KLHDC8A: variants seen among roughly 807,000 people sequenced by gnomAD.
KLHDC8A encodes the protein kelch domain-containing protein 8A.
KLHDC8A carries 21 observed loss-of-function variants against 33.1 expected under a neutral mutation model. The observed-to-expected ratio is 0.64, with a 90% confidence interval of 0.45 to 0.91. KLHDC8A has a LOEUF of 0.91. Among genes scored for constraint, KLHDC8A ranks in the 40% least tolerant of loss-of-function variants. The probability of loss-of-function intolerance (pLI) is 0.00; values close to 1 mark genes in which losing one functional copy is unlikely to be tolerated. For synonymous variants in KLHDC8A, 173 were observed against 193.5 expected (o/e 0.89, Z 0.88); for missense variants, 435 against 483.3 (o/e 0.90, Z 0.94).
intron 2 of KLHDC8A, among the ~76,000 whole-genome samples, chr1:205,342,960 T>A (rs1473299564): frequency 1.1e-4 from 16 of 152,012 alleles, no homozygotes; most frequent in Non-Finnish European, 1.8e-4. Flanking sequence ...GCCCTCTCAG[T>A]GGGGCCTGGT....
At chr1:205,350,811 A>ATGTGTGTGTATGCATGCG in intron 1 of KLHDC8A, among the ~76,000 whole-genome samples, 1 of 150,858 alleles carries the variant, frequency 6.6e-6, no homozygotes, top group East Asian at 2.0e-4. Context: ...CTGTGTGTGC[A>ATGTGTGTGTATGCATGCG]TGTGTGTGTG....
chr1:205,337,528 G>A lies in KLHDC8A; in HGVS notation c.924C>T (p.Ile308=), dbSNP rs141799541. Residue 308 remains isoleucine, a synonymous_variant, in exon 6 of 6, where the codon ATC becomes ATT. Transcript: ENST00000367155. The part of the protein sequence containing the change: ...AFHPGKNKWE[I]LPAMPTPRCA... ...AGCGGGGTGTGGGCATGGCAGGGAG[G>A]ATCTCCCATTTGTTCTTCCCTGGGT... is the stretch of plus-strand genomic sequence containing the variant. 9.2e-5 allele frequency: 148 copies of A among 1,613,922 alleles called. 1 individual carries two copies. In the African/African-American group the frequency reaches 1.8e-3, roughly 20 times the overall value.
At position 205,339,598 on chromosome 1, in the gene KLHDC8A, C is replaced by T. The variant is rs1246654385; in HGVS notation, c.541+46G>A. The T allele has an allele frequency of 6.3e-7, 1 of 1,598,580 alleles. No individual in the cohort carries two copies. Among genetic ancestry groups the T allele is most frequent in the East Asian group, 2.2e-5 (1 of 44,706 alleles). The stretch of plus-strand genomic sequence containing the variant: ...GCACTGCTTCCTATGGGAACTGAGC[C>T]AAGGGAAGGAAGGAGGGTAGGTATA... On this transcript the variant is annotated intron_variant, in intron 3 of 5. Transcript: ENST00000367155. This position sits in a 1 kb window ranked among gnomAD's most constrained non-coding sequence, Gnocchi z 5.1.
At chr1:205,355,028 C>T (rs1044078006) in intron 1 of KLHDC8A, among the ~76,000 whole-genome samples, 1 of 152,212 alleles carries the variant, frequency 6.6e-6, no homozygotes, top group Non-Finnish European at 1.5e-5. Context: ...AGCCTCAGAG[C>T]ACCCAGTTCA....
At chr1:205,353,959 T>C (rs1663193531) in intron 1 of KLHDC8A, among the ~76,000 whole-genome samples, 1 of 152,130 alleles carries the variant, frequency 6.6e-6, no homozygotes, top group Non-Finnish European at 1.5e-5. Context: ...GGATTCAAAC[T>C]CAGATCTGCC....
intron 1 of KLHDC8A, chr1:205,351,388 A>G (rs1663100835): frequency 4.6e-6 from 4 of 863,664 alleles, no homozygotes; most frequent in Non-Finnish European, 4.0e-6. Context: ...ATGTGTGGAA[A>G]TGGCGACTAG....
chr1:205,343,670 C>T lies in KLHDC8A; in HGVS notation c.-66G>A, dbSNP rs1057087327. 38 of 1,478,668 alleles carry T rather than the reference C, an allele frequency of 2.6e-5. No individual in the cohort carries two copies. The African/African-American group carries it at 4.5e-4, about 17-fold the overall frequency. The allele number at this position is 1,478,668 out of a possible 1,614,324, so 91.6% of individuals were successfully genotyped here. A position where few individuals can be genotyped will look rare whatever the true frequency, so the allele number is the denominator to read the frequency against. On this transcript the variant is annotated 5_prime_UTR_variant, in exon 2 of 6. Coordinates refer to ENST00000367155, the MANE Select transcript of KLHDC8A (RefSeq NM_018203.3). ...GCGCGGGGGTCCACCGGCTACTTGGCGCCGGCTCCCACGGCCCCTATCGCC... is the reference window on the plus strand; with the variant it reads ...GCGCGGGGGTCCACCGGCTACTTGGTGCCGGCTCCCACGGCCCCTATCGCC...
In KLHDC8A at chr1:205,343,233, G is replaced by T. The variant is rs376382392; in HGVS notation, c.372C>A (p.Ala124=). 3.4e-5 allele frequency: 54 copies of T among 1,585,052 alleles called. No homozygotes were observed. The highest frequency in any genetic ancestry group is 4.6e-5 in the Non-Finnish European group (53 of 1,160,632). Residue 124 remains alanine (A), a synonymous_variant, in exon 2 of 6, where the codon GCC becomes GCA. Coordinates refer to ENST00000367155, the MANE Select transcript of KLHDC8A (RefSeq NM_018203.3). The stretch of plus-strand genomic sequence containing the variant: ...CTCAGCCCTGGCCCCACTTGCCTTT[G>T]GCCGTGACAGAAATGCCCATGGCGG... ...REAAMGISVT[A]KDYRVYAAGG... is the part of the protein sequence containing the mutation.
At chr1:205,345,176 C>T (rs1485256746) in intron 1 of KLHDC8A, among the ~76,000 whole-genome samples, 1 of 152,194 alleles carries the variant, frequency 6.6e-6, no homozygotes, top group Admixed American at 6.5e-5. Flanking sequence ...AGTCTTGAAA[C>T]ACGCAGGCTT....
At chr1:205,354,911 G>T (rs1663222607) in intron 1 of KLHDC8A, among the ~76,000 whole-genome samples, 1 of 152,176 alleles carries the variant, frequency 6.6e-6, no homozygotes, top group African/African-American at 2.4e-5. Flanking sequence ...ATTTCCCAGG[G>T]TCATGAAGAT....
At chr1:205,346,537 T>C (rs901634196) in intron 1 of KLHDC8A, among the ~76,000 whole-genome samples, 3 of 152,202 alleles carry the variant, frequency 2.0e-5, no homozygotes, top group African/African-American at 7.2e-5. Context: ...GTGTCACTTG[T>C]TGAGATCATC....
chr1:205,343,843 C>T (rs1662868023), intron 1 of KLHDC8A, 50 bp from the exon 2 acceptor site: 1 of 499,172 alleles, frequency 2.0e-6, no homozygotes. Flanking sequence ...ACGCGCCCTC[C>T]GGCGGGCAGC....
intron 1 of KLHDC8A, chr1:205,351,106 A>AG: frequency 3.2e-6 from 2 of 619,236 alleles, no homozygotes; most frequent in East Asian, 5.9e-5. Flanking sequence ...CCAGGAGAGA[A>AG]GGGTCCACTC....
intron 1 of KLHDC8A, among the ~76,000 whole-genome samples, chr1:205,344,960 G>A (rs1662906686): frequency 6.6e-6 from 1 of 152,082 alleles, no homozygotes; most frequent in Admixed American, 6.5e-5. Context: ...TTCAGGAAGG[G>A]GAAACCTGAT....
intron 2 of KLHDC8A, among the ~76,000 whole-genome samples, chr1:205,340,182 T>C (rs899483190): frequency 6.6e-6 from 1 of 151,940 alleles, no homozygotes; most frequent in East Asian, 1.9e-4. Context: ...ACCTGACTAA[T>C]TTTTGTATTT....
chr1:205,343,497 G>A lies in KLHDC8A; in HGVS notation c.108C>T (p.Ile36=), dbSNP rs996937288. The stretch of plus-strand genomic sequence containing the variant: ...GGACGCCGTTGTCGTCACATCCCCC[G>A]ATGGCATAGACCTGGCCCCCGGTCT... ...LLETGGQVYA[I]GGCDDNGVPM... Residue 36 remains isoleucine, a synonymous_variant, in exon 2 of 6, where the codon ATC becomes ATT. Transcript: ENST00000367155. The A allele has an allele frequency of 1.2e-6, 2 of 1,613,364 alleles. No homozygotes were observed. The highest frequency in any genetic ancestry group is 1.3e-5 in the African/African-American group (1 of 74,928).
chr1:205,337,481 A>G lies in KLHDC8A; in HGVS notation c.971T>C (p.Val324Ala). ...TCCCACGGCGAGGAGGCAGTTCTTG[A>G]CGACTATGCTGGAGCAGGCACAGCG... is the stretch of plus-strand genomic sequence containing the variant. ...TPRCACSSIV[V>A]KNCLLAVGGV... Residue 324 changes from valine to alanine, a missense_variant, in exon 6 of 6, where the codon GTC (valine) becomes GCC (alanine). By Grantham distance (64) the Val-to-Ala change is moderately conservative. Coordinates refer to ENST00000367155, the MANE Select transcript of KLHDC8A (RefSeq NM_018203.3). The G allele has an allele frequency of 6.2e-7, 1 of 1,614,000 alleles. No individual in the cohort carries two copies.
At chr1:205,352,183 C>T (rs999422163) in intron 1 of KLHDC8A, among the ~76,000 whole-genome samples, 1 of 152,202 alleles carries the variant, frequency 6.6e-6, no homozygotes, top group African/African-American at 2.4e-5. Context: ...GGCCTTGAGG[C>T]AGCCTTGTTG....
Position 205,339,422 on chromosome 1 carries a change from G to A in KLHDC8A, c.542-13C>T. ...GACTGTCGTCCCCCTGGGGGCCAGA[G>A]CAGGATAGAGGTTGGGCAGAAGGGT... On this transcript the variant is annotated splice_polypyrimidine_tract_variant and intron_variant, in intron 3 of 5. Coordinates refer to ENST00000367155, the MANE Select transcript of KLHDC8A (RefSeq NM_018203.3). The surrounding 1 kb of genome is among the most constrained non-coding windows in gnomAD (Gnocchi z 5.1). The A allele has an allele frequency of 6.2e-7, 1 of 1,610,402 alleles. No individual in the cohort carries two copies. The highest frequency in any genetic ancestry group is 1.3e-5 in the African/African-American group (1 of 74,990).
Sources: allele counts gnomAD v4.1 joint callset (sites outside exome capture counted in the v4.1 genomes callset), GRCh38; gene constraint gnomAD v4.1.1; non-coding constraint Gnocchi (gnomAD v3.1); transcripts MANE v1.5; gene names NCBI Gene and HGNC (gene_info 2026-07-23, HGNC 2026-07-21).